Variants in GRIK3 observed in about 807,000 individuals in gnomAD.
GRIK3 encodes glutamate receptor ionotropic, kainate 3.
Under a neutral mutation model 102.5 loss-of-function variants are expected in GRIK3, and 29 were observed. The observed-to-expected ratio is 0.28, with a 90% CI of 0.21 to 0.39. GRIK3 has a LOEUF of 0.39. Ranked by LOEUF, GRIK3 falls within the 10% of genes least tolerant of loss-of-function variation. GRIK3 has a pLI of 1.00. For synonymous variants in GRIK3, 511 were observed against 504.9 expected, an observed-to-expected ratio of 1.01 and a Z score of -0.16; for missense variants, 908 against 1,252.4, an observed-to-expected ratio of 0.73 and a Z score of 4.15.
chr1:36,859,163 C>T lies in GRIK3; in HGVS notation c.1049G>A (p.Cys350Tyr). Reference sequence around the variant, plus strand: ...AAAGCGCCAGGCCTTGTGCCGATGGCACTGCAGGGAGTTCACGGTCATCTG... The same window carrying T: ...AAAGCGCCAGGCCTTGTGCCGATGGTACTGCAGGGAGTTCACGGTCATCTG... ...APQMTVNSLQ[C>Y]HRHKAWRFGG... is the part of the protein sequence containing the mutation. Residue 350 changes from cysteine to tyrosine, a missense_variant, in exon 7 of 16, where the codon TGC becomes TAC. Physicochemically the swap from Cys to Tyr is radical, Grantham distance 194. Transcript: ENST00000373091. 6.2e-7 allele frequency: 1 copy of T among 1,613,886 alleles called. No individual in the cohort carries two copies. Among genetic ancestry groups the T allele is most frequent in the Non-Finnish European group, 8.5e-7 (1 of 1,179,772 alleles).
chr1:37,010,187 G>A (rs504479), intron 1 of GRIK3, among the ~76,000 whole-genome samples: 25,961 of 152,070 alleles, frequency 0.17, 3,330 homozygotes, highest in African/African-American at 0.36. Context: ...CCTTGGACAC[G>A]TCACCCAAGC....
chr1:36,826,238 T>C (rs1362572308), intron 10 of GRIK3, among the ~76,000 whole-genome samples: 2 of 152,264 alleles, frequency 1.3e-5, no homozygotes, highest in African/African-American at 2.4e-5. Flanking sequence ...GGACACAGAA[T>C]GCACCACAAT....
chr1:36,998,998 GTGTGTGTGT>G (rs1642448207), intron 1 of GRIK3, among the ~76,000 whole-genome samples: 3 of 91,190 alleles, frequency 3.3e-5, no homozygotes, highest in Admixed American at 1.0e-4. Flanking sequence ...GTGTGTGTGT[GTGTGTGTGT>G]ATGTGTGTGT....
At chr1:36,960,254 C>T (rs1395391173) in intron 1 of GRIK3, among the ~76,000 whole-genome samples, 1 of 149,340 alleles carries the variant, frequency 6.7e-6, no homozygotes, top group Non-Finnish European at 1.5e-5. Context: ...GTCTGTGTGC[C>T]CTGTGACTCT....
rs148347026 is a variant in GRIK3, at chr1:36,805,387, G to A, written c.2315-150C>T. On this transcript the variant is annotated intron_variant, in intron 14 of 15. Transcript: ENST00000373091. ...TATCCCTGTGAGTCCCCTTTAAATCGACGCATGGTATCTGGGTGAGTGGAA... is the reference window on the plus strand; with the variant it reads ...TATCCCTGTGAGTCCCCTTTAAATCAACGCATGGTATCTGGGTGAGTGGAA... 4.1e-3 allele frequency: 2,961 copies of A among 722,128 alleles called. 22 individuals are homozygous for A. The highest frequency in any genetic ancestry group is 0.016 in the Middle Eastern group (40 of 2,524). The allele number at this position is 722,128 out of a possible 1,614,324, so 44.7% of individuals were successfully genotyped here.
At chr1:36,869,626 C>A in intron 5 of GRIK3, 122 bp downstream of exon 5, 1 of 773,128 alleles carries the variant, frequency 1.3e-6, no homozygotes. Context: ...CCTGGGGCCA[C>A]CCCTACAGCC....
intron 1 of GRIK3, among the ~76,000 whole-genome samples, chr1:36,997,925 G>A (rs563919482): frequency 6.6e-6 from 1 of 152,274 alleles, no homozygotes; most frequent in South Asian, 2.1e-4. Flanking sequence ...CCATTTTCCT[G>A]GCCATCTCTA....
rs116068726 is a variant in GRIK3 at position 36,880,716 on chromosome 1, G to A, written c.468C>T (p.Tyr156=). Residue 156 remains tyrosine, a synonymous_variant, in exon 3 of 16, where the codon TAC becomes TAT. Coordinates refer to ENST00000373091, the MANE Select transcript of GRIK3 (RefSeq NM_000831.4). The surrounding 1 kb of genome is among the most constrained non-coding windows in gnomAD (Gnocchi z 5.4). The stretch of plus-strand genomic sequence containing the variant: ...CGAGGATGGCATGGCTGAGCGAGGC[G>A]TAGTCGGGGTAGAGGTTCACGTAGA... The part of the protein sequence containing the change: ...DTFYVNLYPD[Y]ASLSHAILDL... 2.2e-4 allele frequency: 353 copies of A among 1,614,132 alleles called. No individual in the cohort carries two copies. The African/African-American group carries it at 4.1e-3, about 19-fold the overall frequency.
chr1:36,828,288 T>C (rs755039829), intron 10 of GRIK3, among the ~76,000 whole-genome samples: 28 of 152,160 alleles, frequency 1.8e-4, no homozygotes, highest in Non-Finnish European at 3.1e-4. Flanking sequence ...ATGTAGAAGG[T>C]CTTTGATTCC....
chr1:36,891,152 AG>A, intron 1 of GRIK3, 56 bp from the exon 2 acceptor site: 2 of 1,363,646 alleles, frequency 1.5e-6, no homozygotes, highest in Non-Finnish European at 2.0e-6. Flanking sequence ...GGCTCTAGCA[AG>A]GATGCTTGGC....
intron 11 of GRIK3, 46 bp downstream of exon 11, chr1:36,825,557 A>G: frequency 7.4e-7 from 1 of 1,356,868 alleles, no homozygotes; most frequent in East Asian, 2.4e-5. Flanking sequence ...CCTAACCCCT[A>G]GACCTTCAAC....
In GRIK3 at chr1:36,872,505, C is replaced by G. The variant is rs1640853824; in HGVS notation, c.551-136G>C. The G allele has an allele frequency of 1.5e-6, 1 of 651,522 alleles. No individual in the cohort carries two copies. The highest frequency in any genetic ancestry group is 2.5e-6 in the Non-Finnish European group (1 of 392,804). The allele number at this position is 651,522 out of a possible 1,614,324, so 40.4% of individuals were successfully genotyped here. On this transcript the variant is annotated intron_variant, in intron 3 of 15. Coordinates refer to ENST00000373091, the MANE Select transcript of GRIK3 (RefSeq NM_000831.4). This position sits in a 1 kb window ranked among gnomAD's most constrained non-coding sequence, Gnocchi z 5.9. ...CATACACGGGCAGAAACGTGGCCCA[C>G]AGAGACTTGTGCACGTGCATGGACA... is the stretch of plus-strand genomic sequence containing the variant.
At chr1:36,973,416 CTTT>C (rs35394730) in intron 1 of GRIK3, among the ~76,000 whole-genome samples, 27 of 114,946 alleles carry the variant, frequency 2.3e-4, no homozygotes, top group African/African-American at 6.0e-4. Context: ...CTTCTTTTTC[CTTT>C]TTTTTTTTTT....
chr1:37,009,016 C>G lies in GRIK3; in HGVS notation c.115+24978G>C, dbSNP rs79081870. ...TCTCCACCATTTACTTGCTGTGTGA[C>G]CTTGAGAAAGCTACTTACCCCTCTG... On this transcript the variant is annotated intron_variant, in intron 1 of 15. Coordinates refer to ENST00000373091, the MANE Select transcript of GRIK3 (RefSeq NM_000831.4). Among the ~76,000 whole-genome samples, 308 of 152,076 alleles carry G rather than the reference C, an allele frequency of 2.0e-3. 1 individual carries two copies. Among genetic ancestry groups the G allele is most frequent in the African/African-American group, 7.0e-3 (290 of 41,488 alleles).
intron 1 of GRIK3, among the ~76,000 whole-genome samples, chr1:36,967,025 G>T (rs962425827): frequency 6.6e-6 from 1 of 152,194 alleles, no homozygotes; most frequent in Admixed American, 6.5e-5. Flanking sequence ...ATGAATATTT[G>T]TTGAATTATT....
At chr1:36,934,957 T>C (rs1446443549) in intron 1 of GRIK3, among the ~76,000 whole-genome samples, 1 of 152,216 alleles carries the variant, frequency 6.6e-6, no homozygotes, top group Non-Finnish European at 1.5e-5. Flanking sequence ...CAGGCCTTGA[T>C]TTCCACTTCC....
intron 1 of GRIK3, among the ~76,000 whole-genome samples, chr1:36,974,757 G>A (rs1020370780): frequency 7.0e-5 from 10 of 143,494 alleles, no homozygotes; most frequent in Admixed American, 2.8e-4. Flanking sequence ...CTGACATTGC[G>A]CCACTGCTCT....
chr1:36,908,083 T>G (rs1315360971), intron 1 of GRIK3, among the ~76,000 whole-genome samples: 1 of 152,178 alleles, frequency 6.6e-6, no homozygotes, highest in African/African-American at 2.4e-5. Context: ...ACTCCCCACC[T>G]TGCATCAGGC....
At chr1:36,925,011 A>G (rs920482491) in intron 1 of GRIK3, among the ~76,000 whole-genome samples, 1 of 152,210 alleles carries the variant, frequency 6.6e-6, no homozygotes, top group African/African-American at 2.4e-5. Context: ...AATATGCATT[A>G]TTAAATCTAA....
Sources: allele counts gnomAD v4.1 joint callset (sites outside exome capture counted in the v4.1 genomes callset), GRCh38; gene constraint gnomAD v4.1.1; non-coding constraint Gnocchi (gnomAD v3.1); transcripts MANE v1.5; gene names NCBI Gene and HGNC (gene_info 2026-07-23, HGNC 2026-07-21).